SEC14L1: variants seen among roughly 807,000 people sequenced by gnomAD.
The protein encoded by SEC14L1 is SEC14 like lipid binding 1, also known as SEC14-like protein 1.
Under a neutral mutation model 85.3 loss-of-function variants are expected in SEC14L1, and 48 were observed. The observed-to-expected ratio is 0.56, with a 90% CI of 0.45 to 0.72. SEC14L1 has a LOEUF of 0.72. Among genes scored for constraint, SEC14L1 ranks in the 30% least tolerant of loss-of-function variants. The pLI is 0.00. For synonymous variants in SEC14L1, 391 were observed against 355.5 expected, an observed-to-expected ratio of 1.10 and a Z score of -1.12; for missense variants, 682 against 921.4, an observed-to-expected ratio of 0.74 and a Z score of 3.36.
In SEC14L1 at chr17:77,212,051, A is replaced by C; in HGVS notation, c.1713A>C (p.Pro571=). The C allele has an allele frequency of 6.2e-7, 1 of 1,614,186 alleles. No individual in the cohort carries two copies. Among genetic ancestry groups the C allele is most frequent in the African/African-American group, 1.3e-5 (1 of 75,056 alleles). Residue 571 remains proline, a synonymous_variant, in exon 15 of 17, where the codon CCA becomes CCC. Coordinates refer to ENST00000436233, the MANE Select transcript of SEC14L1 (RefSeq NM_001143998.2). ...VFNIYHSKRS[P]QPPKKDSLGA... ...ACATCTATCACTCCAAGAGGTCGCC[A>C]CAACCACCCAAAAAGGACTCCCTGG...
At chr17:77,212,423 C>T (rs1390467063) in intron 15 of SEC14L1, among the ~76,000 whole-genome samples, 1 of 152,178 alleles carries the variant, frequency 6.6e-6, no homozygotes, top group Non-Finnish European at 1.5e-5. Context: ...CGACTTTTCC[C>T]AAAAGCAGCC....
chr17:77,100,278 A>G (rs1380089462), intron 3 of SEC14L1, among the ~76,000 whole-genome samples: 2 of 152,168 alleles, frequency 1.3e-5, no homozygotes, highest in African/African-American at 4.8e-5. Context: ...GGTCATCTGT[A>G]CATGCGGCAT....
intron 3 of SEC14L1, among the ~76,000 whole-genome samples, chr17:77,174,839 T>C (rs1198900999): frequency 6.6e-6 from 1 of 152,250 alleles, no homozygotes; most frequent in Admixed American, 6.5e-5. Flanking sequence ...CGCCTGCATC[T>C]GTTACGACTG....
chr17:77,129,814 C>T (rs1024861880), intron 3 of SEC14L1, among the ~76,000 whole-genome samples: 1 of 152,058 alleles, frequency 6.6e-6, no homozygotes, highest in Non-Finnish European at 1.5e-5. Context: ...ACCCTGTTAG[C>T]GCGACATTCC....
intron 3 of SEC14L1, among the ~76,000 whole-genome samples, chr17:77,158,435 G>A (rs1007516091): frequency 6.6e-5 from 10 of 152,080 alleles, no homozygotes; most frequent in African/African-American, 2.2e-4. Flanking sequence ...GCGTAACTTG[G>A]TAGTTACTTG....
chr17:77,186,625 A>G (rs1253483529), intron 3 of SEC14L1, among the ~76,000 whole-genome samples: 1 of 152,232 alleles, frequency 6.6e-6, no homozygotes, highest in African/African-American at 2.4e-5. Context: ...AGAAAGTGAG[A>G]TACAGGCAAG....
At chr17:77,196,889 A>T (rs556835653) in intron 8 of SEC14L1, among the ~76,000 whole-genome samples, 1 of 152,242 alleles carries the variant, frequency 6.6e-6, no homozygotes, top group Admixed American at 6.5e-5. Flanking sequence ...CACTGCAGTG[A>T]TGATGGCCAC....
Position 77,213,406 on chromosome 17 carries a change from G to C in SEC14L1, c.1956G>C (p.Val652=). 1 of 1,613,480 alleles carries C rather than the reference G, an allele frequency of 6.2e-7. No individual in the cohort carries two copies. Among genetic ancestry groups the C allele is most frequent in the African/African-American group, 1.3e-5 (1 of 75,076 alleles). Residue 652 remains valine (V), a synonymous_variant, in exon 16 of 17, where the codon GTG becomes GTC. Coordinates refer to ENST00000436233, the MANE Select transcript of SEC14L1 (RefSeq NM_001143998.2). This position sits in a 1 kb window ranked among gnomAD's most constrained non-coding sequence, Gnocchi z 7.1. ...GCGCCGCCAGCAGCCTTCCCCGGGTGGACGACGTGCTTGCGTCCCTGCAGG... is the reference window on the plus strand; with the variant it reads ...GCGCCGCCAGCAGCCTTCCCCGGGTCGACGACGTGCTTGCGTCCCTGCAGG... ...PACAASSLPR[V]DDVLASLQVS...
At chr17:77,190,633 G>C (rs1445398847) in intron 3 of SEC14L1, among the ~76,000 whole-genome samples, 170 bp from the exon 4 acceptor site, 3 of 152,200 alleles carry the variant, frequency 2.0e-5, no homozygotes, top group African/African-American at 7.2e-5. Flanking sequence ...CCGATCCATG[G>C]ACATGGAGTG....
At chr17:77,170,311 G>T (rs1343038941) in intron 3 of SEC14L1, among the ~76,000 whole-genome samples, 1 of 152,042 alleles carries the variant, frequency 6.6e-6, no homozygotes, top group Non-Finnish European at 1.5e-5. Flanking sequence ...TTTTGACTTG[G>T]GTGTGATGAG....
At chr17:77,177,489 T>C (rs984182315) in intron 3 of SEC14L1, among the ~76,000 whole-genome samples, 4 of 151,578 alleles carry the variant, frequency 2.6e-5, no homozygotes, top group African/African-American at 7.3e-5. Flanking sequence ...GGCTGGAAAT[T>C]CTTGAAGAAG....
chr17:77,179,489 T>C (rs1162243780), intron 3 of SEC14L1, among the ~76,000 whole-genome samples: 2 of 152,182 alleles, frequency 1.3e-5, no homozygotes, highest in African/African-American at 4.8e-5. Context: ...TTCGCATCTA[T>C]CATGATACTT....
Position 77,214,871 on chromosome 17 carries a change from C to T in SEC14L1, c.*848C>T. ...CCATCTCCTCTGTGCCCTCTGGTGG[C>T]TCATTGTCCTCAGAGCCCAGACAGT... On this transcript the variant is annotated 3_prime_UTR_variant, in exon 17 of 17. Coordinates refer to ENST00000436233, the MANE Select transcript of SEC14L1 (RefSeq NM_001143998.2). The T allele has an allele frequency of 1.3e-5, 13 of 985,436 alleles. No individual in the cohort carries two copies. Among genetic ancestry groups the T allele is most frequent in the Non-Finnish European group, 1.6e-5 (13 of 829,958 alleles). The allele number at this position is 985,436 out of a possible 1,614,324, so 61.0% of individuals were successfully genotyped here. A position where few individuals can be genotyped will look rare whatever the true frequency, so the allele number is the denominator to read the frequency against.
chr17:77,132,251 G>A (rs950692633), intron 3 of SEC14L1, among the ~76,000 whole-genome samples: 9 of 138,238 alleles, frequency 6.5e-5, no homozygotes, highest in Admixed American at 3.7e-4. Flanking sequence ...TTTTTGAGCC[G>A]GAGTCTGGCT....
At chr17:77,134,698 G>A (rs1389924532) in intron 3 of SEC14L1, among the ~76,000 whole-genome samples, 1 of 152,146 alleles carries the variant, frequency 6.6e-6, no homozygotes, top group Non-Finnish European at 1.5e-5. Context: ...GCCACTGCAC[G>A]CTAGCCTGGG....
At chr17:77,192,315 G>T (rs1975584670) in intron 5 of SEC14L1, among the ~76,000 whole-genome samples, 1 of 152,132 alleles carries the variant, frequency 6.6e-6, no homozygotes, top group Non-Finnish European at 1.5e-5. Context: ...CTCCCCTGCA[G>T]TGTATCCTTA....
At chr17:77,125,737 C>T (rs1972430428) in intron 3 of SEC14L1, among the ~76,000 whole-genome samples, 1 of 152,214 alleles carries the variant, frequency 6.6e-6, no homozygotes, top group Admixed American at 6.5e-5. Context: ...AGGCCCCTGG[C>T]CATCCCACGT....
chr17:77,215,801 C>T lies in SEC14L1; in HGVS notation c.*1778C>T, dbSNP rs1713536. 9.7e-6 allele frequency: 9 copies of T among 927,188 alleles called. No individual in the cohort carries two copies. Among genetic ancestry groups the T allele is most frequent in the African/African-American group, 2.5e-5 (1 of 39,436 alleles). 57.4% of individuals were successfully genotyped at this position (927,188 alleles called of 1,614,324 possible). ...GTAGGTAGGGTTCGTAGGTAGGGTT[C>T]GTAGGTAGGGCTGGTAGGTAGGGTT... On this transcript the variant is annotated 3_prime_UTR_variant, in exon 17 of 17. Transcript: ENST00000436233.
rs1036407544 is a variant in SEC14L1, at chr17:77,216,634, T to C, written c.*2611T>C. ...GAGATGTTTATAGAACTGTTTGAAT[T>C]GCAGCCATCCCCTGCCCCCTCCCAG... is the stretch of plus-strand genomic sequence containing the variant. On this transcript the variant is annotated 3_prime_UTR_variant, in exon 17 of 17. Coordinates refer to ENST00000436233, the MANE Select transcript of SEC14L1 (RefSeq NM_001143998.2). 6.2e-7 allele frequency: 1 copy of C among 1,612,046 alleles called. No individual in the cohort carries two copies. The highest frequency in any genetic ancestry group is 8.5e-7 in the Non-Finnish European group (1 of 1,178,504).
Sources: allele counts gnomAD v4.1 joint callset (sites outside exome capture counted in the v4.1 genomes callset), GRCh38; gene constraint gnomAD v4.1.1; non-coding constraint Gnocchi (gnomAD v3.1); transcripts MANE v1.5; gene names NCBI Gene and HGNC (gene_info 2026-07-23, HGNC 2026-07-21).